The following SLC28A3 variants were observed in gnomAD, a reference collection of about 807,000 sequenced individuals.
The protein encoded by SLC28A3 is concentrative Na(+)-nucleoside cotransporter 3.
Under a neutral mutation model 84.2 loss-of-function variants are expected in SLC28A3, and 68 were observed. The ratio of observed to expected loss-of-function variants is 0.81; its 90% confidence interval spans 0.66 to 0.99. The LOEUF (loss-of-function observed/expected upper bound fraction) is 0.99, where lower values mean the gene tolerates loss of function less well. Ranked by LOEUF, SLC28A3 falls within the 50% of genes least tolerant of loss-of-function variation. SLC28A3 has a pLI of 0.00. For missense variants in SLC28A3, 712 were observed against 841.5 expected, an observed-to-expected ratio of 0.85 and a Z score of 1.90; for synonymous variants, 267 against 303.6, an observed-to-expected ratio of 0.88 and a Z score of 1.25.
chr9:84,320,648 T>C (rs1368262906), intron 1 of SLC28A3, among the ~76,000 whole-genome samples: 1 of 152,110 alleles, frequency 6.6e-6, no homozygotes, highest in African/African-American at 2.4e-5. Flanking sequence ...GACACTGCTT[T>C]GGGTGTGGGG....
At chr9:84,333,267 T>C (rs1466485942) in intron 1 of SLC28A3, among the ~76,000 whole-genome samples, 1 of 152,212 alleles carries the variant, frequency 6.6e-6, no homozygotes, top group East Asian at 1.9e-4. Flanking sequence ...TCAATTACAT[T>C]GCCATGGTGA....
the SLC28A3 span, among the ~76,000 whole-genome samples, chr9:84,355,810 CTTATTTTATT>C: frequency 3.1e-4 from 47 of 151,782 alleles, no homozygotes; most frequent in Middle Eastern, 3.4e-3. Context: ...TCTTCCTTTT[CTTATTTTATT>C]TTATTTTATT....
chr9:84,340,763 A>C, upstream of SLC28A3: 6 of 1,019,458 alleles, frequency 5.9e-6, no homozygotes, highest in Non-Finnish European at 5.9e-6. Flanking sequence ...CAGTTTGGAA[A>C]CTTCTGCAAT....
chr9:84,340,488 G>T, intron 1 of SLC28A3, 86 bp downstream of exon 1: 1 of 1,375,368 alleles, frequency 7.3e-7, no homozygotes, highest in Non-Finnish European at 1.0e-6. Context: ...TAATCTCCCT[G>T]CTTAGGTAAG....
intron 10 of SLC28A3, 197 bp downstream of exon 10, chr9:84,292,471 C>CTCTT (rs1342227632): frequency 5.1e-6 from 2 of 389,550 alleles, no homozygotes; most frequent in African/African-American, 5.5e-5. Flanking sequence ...CTGTCTCTCT[C>CTCTT]TCTGTCTCTC....
At chr9:84,326,393 C>A (rs1381684399) in intron 1 of SLC28A3, among the ~76,000 whole-genome samples, 3 of 151,964 alleles carry the variant, frequency 2.0e-5, no homozygotes, top group Non-Finnish European at 2.9e-5. Context: ...AAAAACAAAA[C>A]AAAAAACAAA....
intron 5 of SLC28A3, among the ~76,000 whole-genome samples, chr9:84,300,951 G>C (rs535276593): frequency 2.0e-5 from 3 of 152,098 alleles, no homozygotes; most frequent in Non-Finnish European, 4.4e-5. Flanking sequence ...TACTGTAGGG[G>C]ACAGCATATT....
At chr9:84,351,470 G>A in the SLC28A3 span, among the ~76,000 whole-genome samples, 2 of 152,022 alleles carry the variant, frequency 1.3e-5, no homozygotes, top group Non-Finnish European at 2.9e-5. Context: ...ACCAACCTGG[G>A]CAACATGGTA....
rs1009295540 is a variant in SLC28A3 at position 84,276,932 on chromosome 9, T to C, written c.*1286A>G. 9 of 152,242 alleles carry C rather than the reference T, an allele frequency of 5.9e-5. No homozygotes were observed. Among genetic ancestry groups the C allele is most frequent in the Non-Finnish European group, 1.0e-4 (7 of 68,044 alleles). 9.4% of individuals were successfully genotyped at this position (152,242 alleles called of 1,614,324 possible). On this transcript the variant is annotated 3_prime_UTR_variant, in exon 18 of 18. Transcript: ENST00000376238. ...GATGTTTGTGTTTTCTCACAGCATG[T>C]GGTCTTCATGCTATTAAGAGCAGTG...
chr9:84,329,367 A>G (rs1826689873), intron 1 of SLC28A3, among the ~76,000 whole-genome samples: 1 of 152,244 alleles, frequency 6.6e-6, no homozygotes, highest in Non-Finnish European at 1.5e-5. Context: ...TAAACCAACT[A>G]GACCTTATAG....
At chr9:84,301,640 A>T (rs938757406) in intron 5 of SLC28A3, among the ~76,000 whole-genome samples, 4 of 152,226 alleles carry the variant, frequency 2.6e-5, no homozygotes, top group Admixed American at 2.6e-4. Flanking sequence ...TGGTAAAAAT[A>T]AAAGCTCTTT....
intron 1 of SLC28A3, among the ~76,000 whole-genome samples, chr9:84,330,271 A>G (rs914480847): frequency 6.6e-6 from 1 of 152,192 alleles, no homozygotes; most frequent in African/African-American, 2.4e-5. Context: ...GAAAAAAAAG[A>G]GAGAAGACAA....
At chr9:84,316,913 A>C (rs907638608) in intron 1 of SLC28A3, among the ~76,000 whole-genome samples, 2 of 152,098 alleles carry the variant, frequency 1.3e-5, no homozygotes, top group African/African-American at 4.8e-5. Flanking sequence ...AGGCAGAAGA[A>C]TCGCTTGAAC....
rs375868378 is a variant in SLC28A3 at position 84,313,340 on chromosome 9, C to T, written c.156+19G>A. The stretch of plus-strand genomic sequence containing the variant: ...CGGCTGCCATGGTACTAGAGTCATG[C>T]ACCACAGTCTTGCTGTACCTGTTTG... On this transcript the variant is annotated intron_variant, in intron 2 of 17. Coordinates refer to ENST00000376238, the MANE Select transcript of SLC28A3 (RefSeq NM_001199633.2). The T allele has an allele frequency of 1.8e-5, 29 of 1,608,598 alleles. No individual in the cohort carries two copies. Among genetic ancestry groups the T allele is most frequent in the Non-Finnish European group, 2.4e-5 (28 of 1,175,716 alleles).
Position 84,276,197 on chromosome 9 carries a change from A to T in SLC28A3, c.*2021T>A. ...ATTTTATGAAATCTAAACATGGATT[A>T]AGTATTATCAGTAAAACTTTAGTGT... is the stretch of plus-strand genomic sequence containing the variant. On this transcript the variant is annotated 3_prime_UTR_variant, in exon 18 of 18. Transcript: ENST00000376238. 1 of 152,180 alleles carries T rather than the reference A, an allele frequency of 6.6e-6. No homozygotes were observed. Among genetic ancestry groups the T allele is most frequent in the East Asian group, 1.9e-4 (1 of 5,170 alleles). The allele number at this position is 152,180 out of a possible 1,614,324, so 9.4% of individuals were successfully genotyped here.
intron 10 of SLC28A3, among the ~76,000 whole-genome samples, chr9:84,290,936 G>A (rs994709802): frequency 2.0e-5 from 3 of 152,152 alleles, no homozygotes; most frequent in African/African-American, 4.8e-5. Context: ...TCTGATGGGT[G>A]GAAAGGAAGA....
At chr9:84,298,935 A>G (rs983351187) in intron 6 of SLC28A3, among the ~76,000 whole-genome samples, 1 of 152,224 alleles carries the variant, frequency 6.6e-6, no homozygotes, top group Non-Finnish European at 1.5e-5. Flanking sequence ...GGAGGCATAG[A>G]CAATGGAGAT....
At chr9:84,291,706 G>A (rs1441472544) in intron 10 of SLC28A3, among the ~76,000 whole-genome samples, 1 of 152,242 alleles carries the variant, frequency 6.6e-6, no homozygotes, top group African/African-American at 2.4e-5. Flanking sequence ...CAGCCTGCCA[G>A]GAGCAGTTGT....
At chr9:84,319,409 A>C (rs1323709509) in intron 1 of SLC28A3, among the ~76,000 whole-genome samples, 1 of 152,206 alleles carries the variant, frequency 6.6e-6, no homozygotes, top group Non-Finnish European at 1.5e-5. Flanking sequence ...TCACACCTGT[A>C]ATCCCAGCAC....
Sources: allele counts gnomAD v4.1 joint callset (sites outside exome capture counted in the v4.1 genomes callset), GRCh38; gene constraint gnomAD v4.1.1; transcripts MANE v1.5; gene names NCBI Gene and HGNC (gene_info 2026-07-23, HGNC 2026-07-21).